The following MERTK variants were observed in gnomAD, a reference collection of about 807,000 sequenced individuals.
MERTK encodes tyrosine-protein kinase Mer.
A neutral mutation model predicts 99.3 loss-of-function variants in MERTK; 69 were observed. That is an observed-to-expected ratio of 0.70 (90% CI 0.57 to 0.85). MERTK has a LOEUF of 0.85. Ranked by LOEUF, MERTK falls within the 40% of genes least tolerant of loss-of-function variation. The pLI, the probability that MERTK is intolerant of heterozygous loss-of-function variation, is 0.00. For synonymous variants in MERTK, 426 were observed against 467.6 expected (o/e 0.91, Z 1.15); for missense variants, 1,125 against 1,249.4 (o/e 0.90, Z 1.50).
At chr2:111,917,902 C>T (rs1379837095) in intron 1 of MERTK, among the ~76,000 whole-genome samples, 1 of 151,288 alleles carries the variant, frequency 6.6e-6, no homozygotes, top group African/African-American at 2.4e-5. Context: ...AAAAAAATGC[C>T]AAAAGACACA....
intron 15 of MERTK, among the ~76,000 whole-genome samples, chr2:112,011,593 A>C (rs1177032395): frequency 6.6e-6 from 1 of 152,070 alleles, no homozygotes; most frequent in African/African-American, 2.4e-5. Context: ...TCATGAAAAA[A>C]TACAAAAATT....
At chr2:112,010,878 A>G (rs1019171257) in intron 15 of MERTK, among the ~76,000 whole-genome samples, 6 of 152,158 alleles carry the variant, frequency 3.9e-5, no homozygotes, top group African/African-American at 1.4e-4. Flanking sequence ...TCTCTGTTGC[A>G]AAAGGCAGCG....
intron 10 of MERTK, 78 bp from the exon 11 acceptor site, chr2:112,001,123 G>A (rs968598373): frequency 4.6e-6 from 5 of 1,097,374 alleles, no homozygotes; most frequent in Admixed American, 1.7e-5. Context: ...CGGAAGCTCT[G>A]TAGCATCCTT....
chr2:111,901,588 T>C (rs773791265), intron 1 of MERTK, among the ~76,000 whole-genome samples: 9 of 145,742 alleles, frequency 6.2e-5, no homozygotes, highest in Non-Finnish European at 9.0e-5. Context: ...CAGGTTCTCA[T>C]TCTGCCACCC....
chr2:111,935,638 CGTGTGTGTGTGTGTGTGTGT>C (rs55986780), intron 2 of MERTK, among the ~76,000 whole-genome samples: 14 of 139,932 alleles, frequency 1.0e-4, no homozygotes, highest in African/African-American at 2.4e-4. Flanking sequence ...GGTCTTGGCT[CGTGTGTGTGTGTGTGTGTGT>C]GTGTGTGTGT....
At chr2:111,909,327 C>G (rs564284631) in intron 1 of MERTK, among the ~76,000 whole-genome samples, 1 of 152,238 alleles carries the variant, frequency 6.6e-6, no homozygotes, top group East Asian at 1.9e-4. Context: ...TGAAAGCCCA[C>G]CAGAAGTTTT....
Position 111,996,895 on chromosome 2 carries a change from G to A in MERTK, c.1451-428G>A, listed in dbSNP as rs183991772. 2.8e-5 allele frequency: 7 copies of A among 248,170 alleles called. No individual in the cohort carries two copies. The East Asian group carries it at 3.1e-4, about 11-fold the overall frequency. The allele number at this position is 248,170 out of a possible 1,614,324, so 15.4% of individuals were successfully genotyped here. On this transcript the variant is annotated intron_variant, in intron 9 of 18. Transcript: ENST00000295408. ...AAGGCAAACTATTTAACCTACTCTC[G>A]ATCGTTTTTTTACAAAGAAATGACA...
At position 112,025,779 on chromosome 2, in the gene MERTK, A is replaced by T. The variant is rs183046977; in HGVS notation, c.2487-2572A>T. On this transcript the variant is annotated intron_variant, in intron 18 of 18. Transcript: ENST00000295408. ...ACATTTACAAATTTTGTAAATTCAT[A>T]TGATTGCATTTAATTGTGATAAAAT... 1.4e-4 allele frequency among the ~76,000 whole-genome samples: 22 copies of T among 152,364 alleles called. No individual in the cohort carries two copies. The East Asian group carries it at 3.3e-3, about 23-fold the overall frequency.
In MERTK at chr2:111,994,358, A is replaced by T. The variant is rs1676691746; in HGVS notation, c.1404A>T (p.Gly468=). ...TVRIAAVTRG[G]VGPFSDPVKI... ...GGATTGCAGCCGTCACCAGAGGGGGAGTTGGGCCCTTCAGTGATCCAGTGA... is the reference window on the plus strand; with the variant it reads ...GGATTGCAGCCGTCACCAGAGGGGGTGTTGGGCCCTTCAGTGATCCAGTGA... The change falls in exon 9 of 19, where the codon GGA becomes GGT. Residue 468 remains glycine, a synonymous_variant. Transcript: ENST00000295408. The T allele has an allele frequency of 6.2e-7, 1 of 1,614,128 alleles. No homozygotes were observed. The highest frequency in any genetic ancestry group is 8.5e-7 in the Non-Finnish European group (1 of 1,180,038).
At chr2:111,933,931 T>G (rs922252161) in intron 2 of MERTK, among the ~76,000 whole-genome samples, 1 of 142,202 alleles carries the variant, frequency 7.0e-6, no homozygotes, top group Non-Finnish European at 1.5e-5. Flanking sequence ...CCACGTGTTC[T>G]CATTGGTCAA....
In MERTK at chr2:111,941,552, C is replaced by A. The variant is rs1420891671; in HGVS notation, c.483-3408C>A. Among the ~76,000 whole-genome samples the A allele has an allele frequency of 5.3e-5, 8 of 152,258 alleles. No individual in the cohort carries two copies. The East Asian group carries it at 1.6e-3, about 30-fold the overall frequency. On this transcript the variant is annotated intron_variant, in intron 2 of 18. Transcript: ENST00000295408. ...CTAGATTGCTGTTCTGAGCCCGGAG[C>A]CTTTCTGGTTGAGCCTCCACAGAGA... is the stretch of plus-strand genomic sequence containing the variant.
chr2:111,951,448 T>C (rs930273955), intron 4 of MERTK, among the ~76,000 whole-genome samples: 2 of 150,164 alleles, frequency 1.3e-5, no homozygotes, highest in Non-Finnish European at 3.0e-5. Flanking sequence ...TCACTTAGCA[T>C]AATGTCTTCC....
At chr2:112,016,438 T>C (rs1385499967) in intron 15 of MERTK, among the ~76,000 whole-genome samples, 1 of 152,180 alleles carries the variant, frequency 6.6e-6, no homozygotes, top group African/African-American at 2.4e-5. Context: ...AAATCAAGCT[T>C]TTATTCAGAT....
At position 112,021,427 on chromosome 2, in the gene MERTK, G is replaced by T; in HGVS notation, c.2195G>T (p.Arg732Leu). The change falls in exon 17 of 19, where the codon CGA becomes CTA. Residue 732 changes from arginine (R) to leucine (L), a missense_variant. Coordinates refer to ENST00000295408, the MANE Select transcript of MERTK (RefSeq NM_006343.3). Reference sequence around the variant, plus strand: ...ACGTAACCTGCTCTCTGTAGGTTGCGAGATGACATGACTGTCTGTGTTGCG... The same window carrying T: ...ACGTAACCTGCTCTCTGTAGGTTGCTAGATGACATGACTGTCTGTGTTGCG... Reference protein sequence around the residue: ...RDLAARNCMLRDDMTVCVADF... With the variant: ...RDLAARNCMLLDDMTVCVADF... 1 of 1,613,228 alleles carries T rather than the reference G, an allele frequency of 6.2e-7. No homozygotes were observed. Among genetic ancestry groups the T allele is most frequent in the Admixed American group, 1.7e-5 (1 of 60,014 alleles).
In MERTK at chr2:111,971,764, T is replaced by G. The variant is rs369134806; in HGVS notation, c.960+3512T>G. Among the ~76,000 whole-genome samples the G allele has an allele frequency of 1.4e-4, 22 of 152,354 alleles. No individual in the cohort carries two copies. The South Asian group carries it at 3.9e-3, about 27-fold the overall frequency. On this transcript the variant is annotated intron_variant, in intron 6 of 18. Transcript: ENST00000295408. ...AAGTTTTGTGTGCACCTGAGAAGAA[T>G]GTACATTCAGCTGTTGTTGGATGAA... is the stretch of plus-strand genomic sequence containing the variant.
chr2:111,959,860 A>G (rs1021893174), intron 4 of MERTK, among the ~76,000 whole-genome samples: 4 of 152,162 alleles, frequency 2.6e-5, no homozygotes, highest in South Asian at 2.1e-4. Flanking sequence ...GGTCATATCT[A>G]TCTATATTTA....
chr2:111,968,262 C>T lies in MERTK; in HGVS notation c.960+10C>T. On this transcript the variant is annotated intron_variant, in intron 6 of 18. Transcript: ENST00000295408. The stretch of plus-strand genomic sequence containing the variant: ...GAATTGCAGCATTCAGGTAAAGTTC[C>T]AGGGTGAAGAGGGAAGTAGCTGTTT... 6.2e-7 allele frequency: 1 copy of T among 1,601,596 alleles called. No individual in the cohort carries two copies. Among genetic ancestry groups the T allele is most frequent in the Non-Finnish European group, 8.6e-7 (1 of 1,168,746 alleles).
At chr2:112,013,687 C>T (rs1206219209) in intron 15 of MERTK, 1 of 153,530 alleles carries the variant, frequency 6.5e-6, no homozygotes, top group Non-Finnish European at 1.5e-5. Context: ...AGACTGTGAG[C>T]CTTCAATGCT....
chr2:111,981,415 G>GTAA (rs1553454556), intron 7 of MERTK, among the ~76,000 whole-genome samples: 1 of 151,826 alleles, frequency 6.6e-6, no homozygotes, highest in Non-Finnish European at 1.5e-5. Context: ...ATCAAAATTT[G>GTAA]TATTATTATT....
Sources: allele counts gnomAD v4.1 joint callset (sites outside exome capture counted in the v4.1 genomes callset), GRCh38; gene constraint gnomAD v4.1.1; transcripts MANE v1.5; gene names NCBI Gene and HGNC (gene_info 2026-07-23, HGNC 2026-07-21).